Variants in PDE1C observed in about 807,000 individuals in gnomAD.
The protein encoded by PDE1C is phosphodiesterase 1C.
PDE1C carries 62 observed loss-of-function variants against 93.1 expected under a neutral mutation model. The observed-to-expected ratio is 0.67, with a 90% CI of 0.54 to 0.82. The LOEUF is 0.82. Ranked by LOEUF, PDE1C falls within the 40% of genes least tolerant of loss-of-function variation. PDE1C has a pLI of 0.00. For synonymous variants in PDE1C, 325 were observed against 310.1 expected (o/e 1.05, Z -0.50); for missense variants, 742 against 884.6 (o/e 0.84, Z 2.04).
intron 17 of PDE1C, among the ~76,000 whole-genome samples, chr7:31,772,527 G>A (rs1341360896): frequency 6.8e-6 from 1 of 147,244 alleles, no homozygotes; most frequent in Non-Finnish European, 1.5e-5. Flanking sequence ...TTTTTTTTCT[G>A]GTTCCCAGAG....
chr7:32,361,667 C>A (rs565975392), intron 1 of PDE1C, among the ~76,000 whole-genome samples: 1 of 152,120 alleles, frequency 6.6e-6, no homozygotes, highest in Non-Finnish European at 1.5e-5. Flanking sequence ...CTTGGTGACA[C>A]CTTCCTTAAG....
At chr7:32,374,307 G>GAAAGAAAGAAGAA (rs1254001446) in intron 1 of PDE1C, among the ~76,000 whole-genome samples, 2 of 144,218 alleles carry the variant, frequency 1.4e-5, no homozygotes, top group Non-Finnish European at 3.0e-5. Context: ...AAGAAAGAAA[G>GAAAGAAAGAAGAA]AAGAAAAGAA....
intron 8 of PDE1C, 49 bp downstream of exon 8, chr7:31,850,592 G>C (rs946114875): frequency 8.2e-7 from 1 of 1,223,930 alleles, no homozygotes; most frequent in Non-Finnish European, 1.2e-6. Flanking sequence ...TTCTAAAACT[G>C]TCTCTCTGAC....
At chr7:32,258,077 T>C (rs1214741061) in intron 1 of PDE1C, among the ~76,000 whole-genome samples, 2 of 152,218 alleles carry the variant, frequency 1.3e-5, no homozygotes, top group African/African-American at 4.8e-5. Flanking sequence ...AATGGAATAG[T>C]ACCCCAAAGG....
At chr7:31,631,024 G>C in the PDE1C span, among the ~76,000 whole-genome samples, 3 of 152,126 alleles carry the variant, frequency 2.0e-5, no homozygotes, top group Non-Finnish European at 2.9e-5. Context: ...ATTAACTCAA[G>C]AAGTAGGTAT....
At chr7:31,921,794 C>G (rs552889147) in intron 2 of PDE1C, among the ~76,000 whole-genome samples, 11 of 152,170 alleles carry the variant, frequency 7.2e-5, no homozygotes, top group Non-Finnish European at 1.6e-4. Context: ...AATGCTTTTA[C>G]TGTTATTAAT....
chr7:32,097,869 G>A (rs1179927838), intron 3 of PDE1C, among the ~76,000 whole-genome samples: 7 of 152,124 alleles, frequency 4.6e-5, no homozygotes, highest in Admixed American at 4.6e-4. Flanking sequence ...AGGAACACAA[G>A]TCACAAGATA....
At chr7:32,039,596 A>G (rs1584555897) in intron 2 of PDE1C, among the ~76,000 whole-genome samples, 1 of 152,216 alleles carries the variant, frequency 6.6e-6, no homozygotes, top group Non-Finnish European at 1.5e-5. Context: ...GCAGGAAGGA[A>G]CTTGCCTGTG....
At chr7:32,054,742 A>G (rs1275111657) in intron 1 of PDE1C, among the ~76,000 whole-genome samples, 2 of 152,248 alleles carry the variant, frequency 1.3e-5, no homozygotes, top group South Asian at 4.2e-4. Flanking sequence ...TCCCCCTTCA[A>G]TCTTCTCCCA....
intron 1 of PDE1C, among the ~76,000 whole-genome samples, chr7:32,293,826 A>G (rs1300979258): frequency 1.3e-5 from 2 of 152,160 alleles, no homozygotes; most frequent in African/African-American, 2.4e-5. Context: ...GCTCCCTGCC[A>G]TCACTCCCAA....
the PDE1C span, among the ~76,000 whole-genome samples, chr7:31,667,212 C>G: frequency 6.6e-6 from 1 of 152,032 alleles, no homozygotes; most frequent in Non-Finnish European, 1.5e-5. Context: ...TTGGAATACC[C>G]CTTTCTTGTG....
the PDE1C span, among the ~76,000 whole-genome samples, chr7:31,674,401 A>C: frequency 6.6e-6 from 1 of 152,228 alleles, no homozygotes. Flanking sequence ...ACTTTTCTAT[A>C]TGCTTGGAAA....
intron 2 of PDE1C, among the ~76,000 whole-genome samples, chr7:31,896,921 T>C (rs1799391148): frequency 6.6e-6 from 1 of 152,226 alleles, no homozygotes; most frequent in African/African-American, 2.4e-5. Context: ...CCACAGGACA[T>C]CTAGCCCACA....
At chr7:31,643,546 T>TTGG in the PDE1C span, 1 of 1,614,056 alleles carries the variant, frequency 6.2e-7, no homozygotes, top group Non-Finnish European at 8.5e-7. Context: ...GGCTGTGGCC[T>TTGG]TGGGGACTGG....
At chr7:31,772,418 C>G (rs541292104) in intron 17 of PDE1C, among the ~76,000 whole-genome samples, 13 of 152,136 alleles carry the variant, frequency 8.5e-5, no homozygotes, top group Admixed American at 5.9e-4. Flanking sequence ...ACTTTTAGTC[C>G]CTTTTGCTCC....
At position 32,022,799 on chromosome 7, in the gene PDE1C, G is replaced by GA. The variant is rs149221940; in HGVS notation, c.128+28754dup. Among the ~76,000 whole-genome samples the GA allele has an allele frequency of 3.0e-3, 444 of 147,776 alleles. 12 individuals are homozygous for GA. The East Asian group carries it at 0.063, about 21-fold the overall frequency. ...TTCTGCCATCAAATTAGATCTACTTGAAAAAAAAAATTAACGACAGAATTT... is the reference window on the plus strand; with the variant it reads ...TTCTGCCATCAAATTAGATCTACTTGAAAAAAAAAAATTAACGACAGAATTT... On this transcript the variant is annotated intron_variant, in intron 2 of 17. Coordinates refer to ENST00000396191, the MANE Select transcript of PDE1C (RefSeq NM_001191057.4).
At chr7:32,360,562 A>C (rs2128085145) in intron 1 of PDE1C, among the ~76,000 whole-genome samples, 1 of 152,244 alleles carries the variant, frequency 6.6e-6, no homozygotes, top group Non-Finnish European at 1.5e-5. Context: ...AGGAGGAGAA[A>C]CCTGGGGCCA....
chr7:31,643,994 C>A, the PDE1C span: 21 of 1,530,714 alleles, frequency 1.4e-5, no homozygotes, highest in Non-Finnish European at 1.9e-5. Flanking sequence ...GCAGATGCAC[C>A]CGTGATAAAC....
chr7:31,951,189 C>T (rs1807319951), intron 2 of PDE1C, among the ~76,000 whole-genome samples: 1 of 152,160 alleles, frequency 6.6e-6, no homozygotes, highest in African/African-American at 2.4e-5. Flanking sequence ...ATTTAAAGGC[C>T]TTATCTTCAA....
Sources: gnomAD v4.1 joint callset for allele counts (sites outside exome capture counted in the v4.1 genomes callset) on GRCh38, gnomAD v4.1.1 for gene constraint, MANE v1.5 for transcripts, NCBI Gene and HGNC (gene_info 2026-07-23, HGNC 2026-07-21) for gene names.